Variants in PRKN observed in about 807,000 individuals in gnomAD.
PRKN encodes the protein parkin RBR E3 ubiquitin protein ligase, also known as E3 ubiquitin-protein ligase parkin.
Under a neutral mutation model 59.5 loss-of-function variants are expected in PRKN, and 56 were observed. The observed-to-expected ratio is 0.94, with a 90% CI of 0.76 to 1.18. PRKN has a LOEUF of 1.18. Among genes scored for constraint, PRKN ranks in the 50% most tolerant of loss-of-function variants. The pLI, the probability that PRKN is intolerant of heterozygous loss-of-function variation, is 0.00. For synonymous variants in PRKN, 250 were observed against 222.1 expected, an observed-to-expected ratio of 1.13 and a Z score of -1.12; for missense variants, 657 against 596.4, an observed-to-expected ratio of 1.10 and a Z score of -1.06.
intron 2 of PRKN, among the ~76,000 whole-genome samples, chr6:162,281,662 T>C (rs1780916441): frequency 6.6e-6 from 1 of 152,104 alleles, no homozygotes; most frequent in Non-Finnish European, 1.5e-5. Context: ...ACCAATATGG[T>C]TTAAATAGAA....
chr6:161,763,868 C>A (rs897705029), intron 7 of PRKN, among the ~76,000 whole-genome samples: 1 of 152,120 alleles, frequency 6.6e-6, no homozygotes, highest in African/African-American at 2.4e-5. Context: ...TTCCTCCACA[C>A]GAGGCCCATC....
chr6:162,026,077 A>G (rs1783423421), intron 5 of PRKN, among the ~76,000 whole-genome samples: 1 of 152,216 alleles, frequency 6.6e-6, no homozygotes, highest in South Asian at 2.1e-4. Context: ...AGCTACATGC[A>G]GAATAGTTCA....
chr6:161,765,235 G>A (rs573812944), intron 7 of PRKN, among the ~76,000 whole-genome samples: 23 of 152,216 alleles, frequency 1.5e-4, no homozygotes, highest in Middle Eastern at 3.4e-3. Flanking sequence ...GAAGCTACCC[G>A]TGCCAGTCCC....
chr6:161,910,161 T>C (rs1778301764), intron 6 of PRKN, among the ~76,000 whole-genome samples: 1 of 152,198 alleles, frequency 6.6e-6, no homozygotes, highest in Non-Finnish European at 1.5e-5. Context: ...GTTTACTTCT[T>C]ATGGATGAAC....
chr6:161,803,875 C>G (rs894991967), intron 6 of PRKN, among the ~76,000 whole-genome samples: 4 of 152,176 alleles, frequency 2.6e-5, no homozygotes, highest in Non-Finnish European at 5.9e-5. Flanking sequence ...TCCGAACCCC[C>G]ACCAAAGTGA....
At chr6:161,905,137 T>C (rs1197496006) in intron 6 of PRKN, among the ~76,000 whole-genome samples, 1 of 152,216 alleles carries the variant, frequency 6.6e-6, no homozygotes, top group Non-Finnish European at 1.5e-5. Flanking sequence ...TTTTCAACTA[T>C]ACCATTATTG....
chr6:161,979,237 T>C (rs750021527), intron 5 of PRKN, among the ~76,000 whole-genome samples: 8 of 152,212 alleles, frequency 5.3e-5, no homozygotes, highest in Admixed American at 1.3e-4. Context: ...TGCTTGGCTT[T>C]ATATTGTGAC....
intron 2 of PRKN, among the ~76,000 whole-genome samples, chr6:162,317,480 G>C (rs10945811): frequency 6.6e-6 from 1 of 151,878 alleles, no homozygotes. Context: ...CCCAGTCTTG[G>C]GTAAGTCTTT....
At chr6:161,977,542 G>A (rs1784584) in intron 5 of PRKN, among the ~76,000 whole-genome samples, 1 of 104,538 alleles carries the variant, frequency 9.6e-6, no homozygotes, top group Admixed American at 1.0e-4. Flanking sequence ...TGTTTTTTTG[G>A]TTTTTTTTTT....
At chr6:161,778,457 T>G (rs12208634) in intron 7 of PRKN, among the ~76,000 whole-genome samples, 60,357 of 151,952 alleles carry the variant, frequency 0.4, 12,411 homozygotes, top group South Asian at 0.52. Flanking sequence ...TGTCCTTTGA[T>G]TGCATAAATA....
intron 2 of PRKN, among the ~76,000 whole-genome samples, chr6:162,319,459 A>T (rs1782893279): frequency 1.3e-5 from 2 of 152,034 alleles, no homozygotes; most frequent in East Asian, 3.9e-4. Flanking sequence ...CCACAAAACC[A>T]TGTGCAAACT....
chr6:161,900,559 ATGTTATATAT>A, intron 6 of PRKN, among the ~76,000 whole-genome samples: 1 of 88,790 alleles, frequency 1.1e-5, no homozygotes, highest in Admixed American at 1.2e-4. Flanking sequence ...CATATTTTAT[ATGTTATATAT>A]TATGTAATAT....
At chr6:161,506,692 T>C (rs4708913) in intron 9 of PRKN, among the ~76,000 whole-genome samples, 120,479 of 152,008 alleles carry the variant, frequency 0.79, 48,004 homozygotes, top group Middle Eastern at 0.87. Flanking sequence ...GGGACCTAAC[T>C]GGGCTTATTG....
chr6:162,619,797 G>A (rs539963875), intron 1 of PRKN, among the ~76,000 whole-genome samples: 1 of 152,110 alleles, frequency 6.6e-6, no homozygotes, highest in Admixed American at 6.5e-5. Flanking sequence ...TATTCTTACT[G>A]TTCTGCTGCT....
At chr6:162,552,733 A>G (rs1779380057) in intron 1 of PRKN, among the ~76,000 whole-genome samples, 1 of 152,108 alleles carries the variant, frequency 6.6e-6, no homozygotes, top group Non-Finnish European at 1.5e-5. Flanking sequence ...TCATTAGCAT[A>G]TAGATGGTTT....
intron 4 of PRKN, among the ~76,000 whole-genome samples, chr6:162,111,132 G>A (rs751663814): frequency 2.6e-5 from 4 of 152,080 alleles, no homozygotes; most frequent in African/African-American, 7.2e-5. Context: ...CTGAGTCAAC[G>A]TACAGGCATG....
Position 161,400,780 on chromosome 6 carries a change from T to C in PRKN, c.1084-13903A>G, listed in dbSNP as rs1787014228. Among the ~76,000 whole-genome samples the C allele has an allele frequency of 6.6e-6, 1 of 152,074 alleles. No homozygotes were observed. The highest frequency in any genetic ancestry group is 1.5e-5 in the Non-Finnish European group (1 of 68,020). ...AAAATCAGTCAAATTAAAGAAAATA[T>C]GAGGCGTAACTGCCCTGCAGTGAGA... On this transcript the variant is annotated intron_variant, in intron 9 of 11. Transcript: ENST00000366898. This position sits in a 1 kb window ranked among gnomAD's most constrained non-coding sequence, Gnocchi z 4.2.
Position 161,590,516 on chromosome 6 carries a change from T to A in PRKN, c.872-21100A>T, listed in dbSNP as rs542228009. The stretch of plus-strand genomic sequence containing the variant: ...GGGAGGCTGAGGCGGGCCGATCAGT[T>A]GAGGTCAGGAGTTCATGACCAGTCT... On this transcript the variant is annotated intron_variant, in intron 7 of 11. Transcript: ENST00000366898. 5.3e-4 allele frequency among the ~76,000 whole-genome samples: 81 copies of A among 152,242 alleles called. 1 individual carries two copies. The South Asian group carries it at 0.015, about 28-fold the overall frequency.
At chr6:161,625,459 C>T (rs1488116837) in intron 7 of PRKN, among the ~76,000 whole-genome samples, 2 of 152,034 alleles carry the variant, frequency 1.3e-5, no homozygotes, top group Non-Finnish European at 2.9e-5. Context: ...AAATACCTAA[C>T]GTAAACGACG....
Sources: allele counts gnomAD v4.1 joint callset (sites outside exome capture counted in the v4.1 genomes callset), GRCh38; gene constraint gnomAD v4.1.1; non-coding constraint Gnocchi (gnomAD v3.1); transcripts MANE v1.5; gene names NCBI Gene and HGNC (gene_info 2026-07-23, HGNC 2026-07-21).